DCLK1: variants seen among roughly 807,000 people sequenced by gnomAD.
DCLK1 encodes the protein doublecortin like kinase 1, also known as serine/threonine-protein kinase DCLK1.
DCLK1 carries 16 observed loss-of-function variants against 86.2 expected under a neutral mutation model. The ratio of observed to expected loss-of-function variants is 0.19; its 90% CI spans 0.13 to 0.28. DCLK1 has a LOEUF of 0.28. Ranked by LOEUF, DCLK1 falls within the 10% of genes least tolerant of loss-of-function variation. DCLK1 has a pLI of 1.00. For missense variants in DCLK1, 590 were observed against 940.2 expected, an observed-to-expected ratio of 0.63 and a Z score of 4.87; for synonymous variants, 369 against 370.5, an observed-to-expected ratio of 1.00 and a Z score of 0.05.
chr13:35,959,471 C>T (rs925122295), intron 3 of DCLK1, among the ~76,000 whole-genome samples: 1 of 152,102 alleles, frequency 6.6e-6, no homozygotes, highest in Non-Finnish European at 1.5e-5. Context: ...TGGGGCAGCT[C>T]AACACTTGTC....
intron 15 of DCLK1, among the ~76,000 whole-genome samples, chr13:35,797,939 A>G (rs1371408641): frequency 3.3e-5 from 5 of 152,194 alleles, no homozygotes; most frequent in South Asian, 2.1e-4. Flanking sequence ...ATGTGCTACG[A>G]ATTTTCTAAA....
chr13:35,915,957 G>C (rs1364426858), intron 4 of DCLK1, among the ~76,000 whole-genome samples: 1 of 152,188 alleles, frequency 6.6e-6, no homozygotes, highest in East Asian at 1.9e-4. Context: ...ATAAGAGTAA[G>C]TATTTTAAAA....
intron 4 of DCLK1, among the ~76,000 whole-genome samples, chr13:35,932,121 C>A (rs900579098): frequency 3.3e-5 from 5 of 152,168 alleles, no homozygotes; most frequent in Admixed American, 1.3e-4. Flanking sequence ...CCCTCTCCAA[C>A]GTAGGTAGGC....
chr13:35,940,291 CA>C (rs35613029), intron 4 of DCLK1, among the ~76,000 whole-genome samples: 46,709 of 122,856 alleles, frequency 0.38, 9,025 homozygotes, highest in African/African-American at 0.58. Flanking sequence ...GAGTCCGTCT[CA>C]AAAAAAAAAA....
chr13:35,893,590 A>G (rs1000421594), intron 4 of DCLK1, among the ~76,000 whole-genome samples: 3 of 152,158 alleles, frequency 2.0e-5, no homozygotes, highest in Non-Finnish European at 4.4e-5. Context: ...TCACAGTCAA[A>G]ATGCAGGTAC....
intron 3 of DCLK1, among the ~76,000 whole-genome samples, chr13:35,989,219 T>G (rs1880092609): frequency 6.6e-6 from 1 of 152,202 alleles, no homozygotes; most frequent in South Asian, 2.1e-4. Flanking sequence ...CTTGTAAATT[T>G]GCTTTTTGCA....
chr13:36,040,350 G>T (rs1882655137), intron 3 of DCLK1, among the ~76,000 whole-genome samples: 1 of 133,594 alleles, frequency 7.5e-6, no homozygotes, highest in Non-Finnish European at 1.6e-5. Flanking sequence ...TCAGAGATTT[G>T]CAGGGTATTC....
chr13:36,105,048 G>A (rs781334717), intron 3 of DCLK1, among the ~76,000 whole-genome samples: 3 of 151,966 alleles, frequency 2.0e-5, no homozygotes, highest in Admixed American at 1.3e-4. Flanking sequence ...AATATTATGA[G>A]GTATGCATTA....
chr13:35,919,990 C>T (rs1456529909), intron 4 of DCLK1, among the ~76,000 whole-genome samples: 2 of 151,986 alleles, frequency 1.3e-5, no homozygotes, highest in African/African-American at 4.8e-5. Context: ...ATACATTAAT[C>T]AGTAGCAATT....
chr13:35,952,021 G>A (rs1324118439), intron 3 of DCLK1, among the ~76,000 whole-genome samples: 2 of 152,148 alleles, frequency 1.3e-5, no homozygotes. Context: ...CCACTTGGAT[G>A]TTAATCTCTT....
intron 15 of DCLK1, among the ~76,000 whole-genome samples, chr13:35,797,834 G>A (rs2086843226): frequency 6.6e-6 from 1 of 152,112 alleles, no homozygotes; most frequent in Admixed American, 6.5e-5. Flanking sequence ...CTAACTTACT[G>A]TCATGCATCA....
chr13:36,083,705 A>G (rs1321163538), intron 3 of DCLK1, among the ~76,000 whole-genome samples: 1 of 152,140 alleles, frequency 6.6e-6, no homozygotes, highest in Non-Finnish European at 1.5e-5. Context: ...TTTCCCATTC[A>G]TTTTTTAAAA....
chr13:35,832,194 G>T (rs1016290339), intron 8 of DCLK1, among the ~76,000 whole-genome samples: 8 of 152,116 alleles, frequency 5.3e-5, no homozygotes, highest in Non-Finnish European at 1.2e-4. Flanking sequence ...TATTCAGGAG[G>T]CCAAGGCAGG....
chr13:35,996,716 T>TAC (rs139759662), intron 3 of DCLK1, among the ~76,000 whole-genome samples: 54,788 of 151,846 alleles, frequency 0.36, 11,011 homozygotes, highest in Non-Finnish European at 0.44. Context: ...TATATATATA[T>TAC]ACACACAACC....
At chr13:36,111,489 A>C (rs1885618153) in intron 3 of DCLK1, among the ~76,000 whole-genome samples, 1 of 152,234 alleles carries the variant, frequency 6.6e-6, no homozygotes, top group South Asian at 2.1e-4. Context: ...TCAAAGAAAT[A>C]AGTTAGAATT....
At chr13:35,909,583 A>G (rs1343260016) in intron 4 of DCLK1, among the ~76,000 whole-genome samples, 3 of 147,738 alleles carry the variant, frequency 2.0e-5, no homozygotes, top group Admixed American at 1.4e-4. Context: ...CTGGTTATTA[A>G]TTGCTGTGTG....
intron 3 of DCLK1, among the ~76,000 whole-genome samples, chr13:35,966,247 G>A (rs1038710376): frequency 2.0e-5 from 3 of 152,142 alleles, no homozygotes; most frequent in Admixed American, 6.5e-5. Context: ...AAAAAATTAA[G>A]TGTGGAATTC....
intron 3 of DCLK1, among the ~76,000 whole-genome samples, chr13:36,027,732 T>C (rs77997410): frequency 0.063 from 9,653 of 152,258 alleles, 367 homozygotes; most frequent in African/African-American, 0.11. Context: ...TTCTTTTGTT[T>C]GTTTGTTTGT....
At chr13:35,981,556 T>C (rs903599074) in intron 3 of DCLK1, among the ~76,000 whole-genome samples, 2 of 152,178 alleles carry the variant, frequency 1.3e-5, no homozygotes, top group Non-Finnish European at 2.9e-5. Flanking sequence ...TGAACAAATT[T>C]ATGACACAGA....
Sources: allele counts gnomAD v4.1 joint callset (sites outside exome capture counted in the v4.1 genomes callset), GRCh38; gene constraint gnomAD v4.1.1; transcripts MANE v1.5; gene names NCBI Gene and HGNC (gene_info 2026-07-23, HGNC 2026-07-21).